Variants in MAP3K13 observed in about 807,000 individuals in gnomAD.
MAP3K13 encodes the protein leucine zipper-bearing kinase.
MAP3K13 carries 52 observed loss-of-function variants against 104.0 expected under a neutral mutation model. The ratio of observed to expected loss-of-function variants is 0.50; its 90% CI spans 0.40 to 0.63. MAP3K13 has a LOEUF of 0.63. MAP3K13 is among the 20% of genes least tolerant of loss of function. The pLI is 0.00. For synonymous variants in MAP3K13, 394 were observed against 442.2 expected (o/e 0.89, Z 1.37); for missense variants, 914 against 1,218.5 (o/e 0.75, Z 3.72).
intron 6 of MAP3K13, 100 bp from the exon 7 acceptor site, chr3:185,451,183 TATAG>T (rs1715860439): frequency 1.4e-6 from 1 of 723,606 alleles, no homozygotes; most frequent in African/African-American, 1.8e-5. Flanking sequence ...TTTACTCAGA[TATAG>T]CCATTTTGAA....
intron 1 of MAP3K13, among the ~76,000 whole-genome samples, chr3:185,369,736 T>C (rs528121964): frequency 6.6e-6 from 1 of 152,374 alleles, no homozygotes; most frequent in African/African-American, 2.4e-5. Flanking sequence ...ACTCACCACC[T>C]TGAACAGAGG....
chr3:185,362,146 G>A (rs1367168712), upstream of MAP3K13, among the ~76,000 whole-genome samples: 1 of 152,168 alleles, frequency 6.6e-6, no homozygotes, highest in Non-Finnish European at 1.5e-5. Context: ...TATTAACCAC[G>A]ATCGTTCTAG....
chr3:185,475,090 T>C (rs1303021728), intron 11 of MAP3K13, among the ~76,000 whole-genome samples: 2 of 106,132 alleles, frequency 1.9e-5, no homozygotes, highest in African/African-American at 3.9e-5. Context: ...TGAGACCCCA[T>C]CTCAAAAAAA....
intron 2 of MAP3K13, among the ~76,000 whole-genome samples, chr3:185,294,164 T>G (rs1485199385): frequency 6.6e-6 from 1 of 152,200 alleles, no homozygotes; most frequent in East Asian, 1.9e-4. Context: ...TTTCTTTTCT[T>G]TCTCTGAGTA....
intron 1 of MAP3K13, among the ~76,000 whole-genome samples, chr3:185,402,444 G>T (rs1372673080): frequency 6.6e-6 from 1 of 151,912 alleles, no homozygotes; most frequent in African/African-American, 2.4e-5. Flanking sequence ...TCTTTGTCTG[G>T]AGTCTGTGTC....
chr3:185,321,626 T>G lies in MAP3K13; in HGVS notation c.-86+35983T>G, dbSNP rs533406915. ...TGTTTGTTTGTTTGTTTGTTTGAGA[T>G]GGAGTCTCACTCTGTTGCCAAGACT... On this transcript the variant is annotated intron_variant, in intron 2 of 14. Transcript: ENST00000424227. Among the ~76,000 whole-genome samples the G allele has an allele frequency of 9.2e-5, 14 of 152,318 alleles. No homozygotes were observed. The South Asian group carries it at 2.9e-3, about 32-fold the overall frequency.
At chr3:185,410,388 A>G (rs1041828743) in intron 1 of MAP3K13, among the ~76,000 whole-genome samples, 4 of 152,206 alleles carry the variant, frequency 2.6e-5, no homozygotes, top group Non-Finnish European at 5.9e-5. Context: ...ATACAAAATT[A>G]TAGCTAGATA....
intron 2 of MAP3K13, among the ~76,000 whole-genome samples, chr3:185,327,389 C>T (rs546282498): frequency 1.3e-5 from 2 of 152,242 alleles, no homozygotes; most frequent in East Asian, 3.9e-4. Context: ...CACAGGTTCT[C>T]AGGATTAGGA....
intron 2 of MAP3K13, among the ~76,000 whole-genome samples, chr3:185,432,545 G>GAT (rs1046385982): frequency 1.3e-5 from 2 of 151,772 alleles, no homozygotes; most frequent in Admixed American, 1.3e-4. Context: ...AAAACCTACT[G>GAT]ATAGCTGCAT....
chr3:185,323,331 AC>A (rs911338055), intron 2 of MAP3K13, among the ~76,000 whole-genome samples: 2 of 140,622 alleles, frequency 1.4e-5, no homozygotes, highest in East Asian at 2.0e-4. Flanking sequence ...CATTTGGCAT[AC>A]CTTTTTTTTT....
At chr3:185,345,530 T>C (rs148747607) in intron 2 of MAP3K13, among the ~76,000 whole-genome samples, 1 of 152,254 alleles carries the variant, frequency 6.6e-6, no homozygotes, top group Non-Finnish European at 1.5e-5. Context: ...ATTCCCTGAG[T>C]TCCCCCTCCT....
At chr3:185,415,573 A>ATTTTTTTTTTTTTTTTTTTTTTTT (rs34633048) in intron 1 of MAP3K13, among the ~76,000 whole-genome samples, 2 of 119,452 alleles carry the variant, frequency 1.7e-5, no homozygotes. Context: ...AGAAGGGTTA[A>ATTTTTTTTTTTTTTTTTTTTTTTT]TTTCTTTTTT....
intron 1 of MAP3K13, among the ~76,000 whole-genome samples, chr3:185,383,764 G>A (rs545978538): frequency 6.6e-6 from 1 of 151,942 alleles, no homozygotes; most frequent in African/African-American, 2.4e-5. Context: ...CCAGTCTCAG[G>A]TATTCTTTTA....
intron 1 of MAP3K13, among the ~76,000 whole-genome samples, chr3:185,377,265 T>C (rs1390482814): frequency 2.6e-5 from 4 of 152,170 alleles, no homozygotes; most frequent in Non-Finnish European, 4.4e-5. Context: ...TTAATCCTTT[T>C]AAAGCATGCT....
chr3:185,346,264 A>G (rs1454811400), intron 2 of MAP3K13, among the ~76,000 whole-genome samples: 3 of 152,232 alleles, frequency 2.0e-5, no homozygotes, highest in African/African-American at 7.2e-5. Context: ...CCCAAAAGCA[A>G]TACATTTGTA....
chr3:185,374,461 T>C (rs1312974931), intron 1 of MAP3K13, among the ~76,000 whole-genome samples: 1 of 152,090 alleles, frequency 6.6e-6, no homozygotes, highest in African/African-American at 2.4e-5. Context: ...GAAACATTTG[T>C]CATATAGAAT....
At chr3:185,303,789 T>A (rs1721188242) in intron 2 of MAP3K13, among the ~76,000 whole-genome samples, 1 of 149,634 alleles carries the variant, frequency 6.7e-6, no homozygotes. Flanking sequence ...TGCTGATTTC[T>A]TTCTATTATT....
In MAP3K13 at chr3:185,411,781, CTTT is replaced by C. The variant is rs67723912; in HGVS notation, c.-85-16697_-85-16695del. On this transcript the variant is annotated intron_variant, in intron 1 of 13. Transcript: ENST00000265026. The stretch of plus-strand genomic sequence containing the variant: ...GATTCCTAAAGGGAGGCAGTTATGT[CTTT>C]TTTTTTTTTTTTTTTTTTGAGACAG... Among the ~76,000 whole-genome samples, 648 of 94,030 alleles carry C rather than the reference CTTT, an allele frequency of 6.9e-3. 5 individuals carry two copies. The highest frequency in any genetic ancestry group is 0.023 in the African/African-American group (573 of 24,590). 61.7% of individuals were successfully genotyped at this position (94,030 alleles called of 152,430 possible).
chr3:185,383,578 A>G (rs1711518232), intron 1 of MAP3K13, among the ~76,000 whole-genome samples: 1 of 149,546 alleles, frequency 6.7e-6, no homozygotes, highest in Non-Finnish European at 1.5e-5. Flanking sequence ...AAAAAAAAAA[A>G]AGCCTGGTAC....
Sources: gnomAD v4.1 joint callset for allele counts (sites outside exome capture counted in the v4.1 genomes callset) on GRCh38, gnomAD v4.1.1 for gene constraint, MANE v1.5 for transcripts, NCBI Gene and HGNC (gene_info 2026-07-23, HGNC 2026-07-21) for gene names.